The following CEP290 variants were observed in gnomAD, a reference collection of about 807,000 sequenced individuals.
CEP290 encodes the protein centrosomal protein 290.
CEP290 carries 317 observed loss-of-function variants against 344.9 expected under a neutral mutation model. The ratio of observed to expected loss-of-function variants is 0.92; its 90% confidence interval spans 0.84 to 1.01. The LOEUF (loss-of-function observed/expected upper bound fraction) is 1.01, where lower values mean the gene tolerates loss of function less well. Among genes scored for constraint, CEP290 ranks in the 50% least tolerant of loss-of-function variants. The probability of loss-of-function intolerance (pLI) is 0.00; values close to 1 mark genes in which losing one functional copy is unlikely to be tolerated. For synonymous variants in CEP290, 932 were observed against 895.8 expected (o/e 1.04, Z -0.72); for missense variants, 2,754 against 2,761.4 (o/e 1.00, Z 0.06).
intron 5 of CEP290, 144 bp downstream of exon 5, chr12:88,139,001 A>G (rs1455117332): frequency 5.7e-6 from 3 of 524,236 alleles, no homozygotes; most frequent in Non-Finnish European, 1.0e-5. Flanking sequence ...CATAATAGGC[A>G]TGTAGAACAT....
In CEP290 at chr12:88,139,154, AT is replaced by A; in HGVS notation, c.287del (p.Asn96MetfsTer29). 6 of 1,195,486 alleles carry A rather than the reference AT, an allele frequency of 5.0e-6. No homozygotes were observed. The highest frequency in any genetic ancestry group is 5.8e-6 in the Non-Finnish European group (5 of 867,770). 74.1% of individuals were successfully genotyped at this position (1,195,486 alleles called of 1,614,324 possible). A position where few individuals can be genotyped will look rare whatever the true frequency, so the allele number is the denominator to read the frequency against. ...QLKTKVMKLE[N>X]ELEMAQQSAG... ...ATACAAAAAGACATACCTCCAGTTC[AT>A]TTTCCAGTTTCATTACTTTAGTTTT... On this transcript the variant is annotated frameshift_variant, in exon 5 of 54. Transcript: ENST00000552810. LOFTEE classifies it high-confidence loss of function.
intron 32 of CEP290, among the ~76,000 whole-genome samples, chr12:88,087,502 T>C (rs1049074797): frequency 1.3e-5 from 2 of 151,688 alleles, no homozygotes; most frequent in Admixed American, 6.6e-5. Context: ...GGGCGGATCA[T>C]GAGGTCAGGA....
intron 49 of CEP290, 77 bp downstream of exon 49, chr12:88,058,771 G>A (rs976198535): frequency 4.3e-6 from 6 of 1,395,516 alleles, no homozygotes; most frequent in Admixed American, 2.1e-5. Context: ...AGGTTATCCA[G>A]AATAGTGTTG....
rs766779533 is a variant in CEP290, at chr12:88,118,676, C to G, written c.1590G>C (p.Gln530His). The stretch of plus-strand genomic sequence containing the variant: ...AAAGAATCTGGTTTTCAGCTCTGTA[C>G]TGCTGCTGTTTTAAGTGTTTGCTAT... The part of the protein sequence containing the change: ...FRNSKHLKQQ[Q>H]YRAENQILLK... Residue 530 changes from glutamine to histidine, a missense_variant, in exon 16 of 54, where the codon CAG (glutamine) becomes CAC (histidine). Coordinates refer to ENST00000552810, the MANE Select transcript of CEP290 (RefSeq NM_025114.4). 2 of 1,613,488 alleles carry G rather than the reference C, an allele frequency of 1.2e-6. No individual in the cohort carries two copies. Among genetic ancestry groups the G allele is most frequent in the South Asian group, 1.1e-5 (1 of 91,054 alleles).
In CEP290 at chr12:88,141,053, A is replaced by C. The variant is rs1029795688; in HGVS notation, c.103-20T>G. ...TTCCACCTAAGTAAACAGAAAAGCA[A>C]CTGTTTTATATTTTATAACCTTCAA... On this transcript the variant is annotated intron_variant, in intron 2 of 53. Transcript: ENST00000552810. The C allele has an allele frequency of 6.5e-7, 1 of 1,542,382 alleles. No individual in the cohort carries two copies. Among genetic ancestry groups the C allele is most frequent in the African/African-American group, 1.4e-5 (1 of 72,528 alleles).
chr12:88,109,224 T>C (rs2038505600), intron 22 of CEP290, 43 bp from the exon 23 acceptor site: 1 of 647,808 alleles, frequency 1.5e-6, no homozygotes, highest in South Asian at 2.1e-5. Flanking sequence ...AAAAACACAA[T>C]AGAATAAATG....
In CEP290 at chr12:88,096,889, T is replaced by C. The variant is rs201160801; in HGVS notation, c.3102A>G (p.Leu1034=). 4.7e-5 allele frequency: 69 copies of C among 1,468,520 alleles called. No individual in the cohort carries two copies. The African/African-American group carries it at 9.2e-4, about 20-fold the overall frequency. 91.0% of individuals were successfully genotyped at this position (1,468,520 alleles called of 1,614,324 possible). Residue 1034 remains leucine, a splice_region_variant and synonymous_variant, in exon 27 of 54, where the codon TTA becomes TTG. Coordinates refer to ENST00000552810, the MANE Select transcript of CEP290 (RefSeq NM_025114.4). ...IEQAWEQETK[L]GNESSMDKAK... ...TATTATCAGAGTCATAAAACTTACC[T>C]AATTTAGTTTCCTGTTCCCAGGCTT...
At chr12:88,103,067 C>T (rs1592575424) in intron 25 of CEP290, 56 bp from the exon 26 acceptor site, 308 of 1,095,344 alleles carry the variant, frequency 2.8e-4, no homozygotes, top group Non-Finnish European at 2.5e-6. Flanking sequence ...TGGTCAAGCA[C>T]TAGCCACTTT....
intron 6 of CEP290, among the ~76,000 whole-genome samples, chr12:88,133,874 G>A (rs1419946419): frequency 6.6e-6 from 1 of 152,160 alleles, no homozygotes; most frequent in Admixed American, 6.5e-5. Flanking sequence ...AGAACTTAAT[G>A]CTAAAGCATT....
intron 41 of CEP290, among the ~76,000 whole-genome samples, chr12:88,072,363 T>C (rs2136974013): frequency 6.6e-6 from 1 of 152,262 alleles, no homozygotes; most frequent in Non-Finnish European, 1.5e-5. Flanking sequence ...ATCATATTGG[T>C]GCTCAAAAAA....
chr12:88,118,814 C>T, intron 15 of CEP290, 71 bp from the exon 16 acceptor site: 1 of 1,007,160 alleles, frequency 9.9e-7, no homozygotes, highest in Non-Finnish European at 1.5e-6. Flanking sequence ...CATATACCAT[C>T]AAGCAACTGG....
chr12:88,076,674 T>G (rs2035801457), intron 41 of CEP290, among the ~76,000 whole-genome samples: 1 of 152,082 alleles, frequency 6.6e-6, no homozygotes, highest in African/African-American at 2.4e-5. Flanking sequence ...AACTATAAAA[T>G]TTTAAGCAAT....
In CEP290 at chr12:88,120,213, T is replaced by A; in HGVS notation, c.1423A>T (p.Arg475Ter). 1 of 1,512,618 alleles carries A rather than the reference T, an allele frequency of 6.6e-7. No individual in the cohort carries two copies. The allele number at this position is 1,512,618 out of a possible 1,614,324, so 93.7% of individuals were successfully genotyped here. A position where few individuals can be genotyped will look rare whatever the true frequency, so the allele number is the denominator to read the frequency against. The part of the protein sequence containing the change: ...IKNCKNQIKI[R>*]DREIEILTKE... ...GTTAATATTTCAATCTCTCGATCTC[T>A]TATTTTAATTTGGTTTTTACAATTC... The change falls in exon 15 of 54, where the codon AGA becomes TGA. Residue 475 changes from arginine to a stop codon, truncating the protein, a stop_gained. Transcript: ENST00000552810. LOFTEE classifies it high-confidence loss of function.
chr12:88,059,919 C>G lies in CEP290; in HGVS notation c.6624G>C (p.Arg2208Ser), dbSNP rs777841957. 1.0e-5 allele frequency: 16 copies of G among 1,592,550 alleles called. No individual in the cohort carries two copies. The Admixed American group carries it at 1.1e-4, about 11-fold the overall frequency. The change falls in exon 48 of 54, where the codon AGG becomes AGC. Residue 2208 changes from arginine to serine, a missense_variant. Physicochemically the swap from Arg to Ser is moderately radical, Grantham distance 110. Transcript: ENST00000552810. ...ATACTTTTTTAAGTTCTTTACGAAG[C>G]CTTTCATTTTCAGCAATAATTTTTT... The part of the protein sequence containing the change: ...GTEKIIAENE[R>S]LRKELKKETD...
At chr12:88,062,031 G>A (rs780411116) in intron 46 of CEP290, among the ~76,000 whole-genome samples, 7 of 152,088 alleles carry the variant, frequency 4.6e-5, no homozygotes, top group Non-Finnish European at 8.8e-5. Flanking sequence ...TGCCCGCCTC[G>A]GCCTCCCAAA....
chr12:88,098,678 G>GA (rs1309437951), intron 26 of CEP290, among the ~76,000 whole-genome samples: 5 of 152,044 alleles, frequency 3.3e-5, no homozygotes, highest in African/African-American at 9.7e-5. Flanking sequence ...TAATAGAAAG[G>GA]AACATTTAGA....
In CEP290 at chr12:88,090,803, A is replaced by C. The variant is rs750099379; in HGVS notation, c.3498T>G (p.Val1166=). 10 of 1,560,358 alleles carry C rather than the reference A, an allele frequency of 6.4e-6. No homozygotes were observed. The African/African-American group carries it at 1.4e-4, about 21-fold the overall frequency. ...REISDIARRQ[V]EILNAQQQSR... is the part of the protein sequence containing the mutation. ...ATTGTTGTTGTGCATTCAAAATTTC[A>C]ACTTGTCTTCTGGCAATATCAGAAA... is the stretch of plus-strand genomic sequence containing the variant. The change falls in exon 30 of 54, where the codon GTT becomes GTG. Residue 1166 remains valine, a synonymous_variant. Coordinates refer to ENST00000552810, the MANE Select transcript of CEP290 (RefSeq NM_025114.4).
intron 53 of CEP290, 137 bp from the exon 54 acceptor site, chr12:88,049,551 A>G (rs188748213): frequency 2.5e-5 from 15 of 606,808 alleles, no homozygotes; most frequent in African/African-American, 2.4e-4. Context: ...CAGAAGAATT[A>G]AGATTTTTCT....
At chr12:88,120,884 CAA>C (rs2039357479) in intron 14 of CEP290, 111 bp downstream of exon 14, 4 of 836,910 alleles carry the variant, frequency 4.8e-6, no homozygotes, top group Admixed American at 3.3e-5. Context: ...TAATCTTTAT[CAA>C]AAGATACTTA....
Sources: gnomAD v4.1 joint callset for allele counts (sites outside exome capture counted in the v4.1 genomes callset) on GRCh38, gnomAD v4.1.1 for gene constraint, MANE v1.5 for transcripts, NCBI Gene and HGNC (gene_info 2026-07-23, HGNC 2026-07-21) for gene names.